Variants in LIMCH1 observed in about 807,000 individuals in gnomAD.
LIMCH1 encodes LIM and calponin homology domains 1.
LIMCH1 carries 113 observed loss-of-function variants against 176.5 expected under a neutral mutation model. That is an observed-to-expected ratio of 0.64 (90% CI 0.55 to 0.75). The LOEUF (loss-of-function observed/expected upper bound fraction) is 0.75. Ranked by LOEUF, LIMCH1 falls within the 30% of genes least tolerant of loss-of-function variation. LIMCH1 has a pLI of 0.00. For missense variants in LIMCH1, 1,674 were observed against 1,814.9 expected, an observed-to-expected ratio of 0.92 and a Z score of 1.41; for synonymous variants, 619 against 645.9, an observed-to-expected ratio of 0.96 and a Z score of 0.63.
intron 1 of LIMCH1, among the ~76,000 whole-genome samples, chr4:41,492,247 A>C (rs1355912836): frequency 6.6e-6 from 1 of 152,196 alleles, no homozygotes; most frequent in Non-Finnish European, 1.5e-5. Flanking sequence ...CCAAAAATAC[A>C]AAAACCAGTC....
chr4:41,458,200 C>T (rs1434399841), intron 1 of LIMCH1, among the ~76,000 whole-genome samples: 1 of 152,120 alleles, frequency 6.6e-6, no homozygotes, highest in Non-Finnish European at 1.5e-5. Flanking sequence ...TAGTATCTCA[C>T]TCGATGAAAG....
chr4:41,415,848 G>T (rs542148582), intron 1 of LIMCH1, among the ~76,000 whole-genome samples: 3 of 151,988 alleles, frequency 2.0e-5, no homozygotes, highest in African/African-American at 7.3e-5. Context: ...ATGGTGGCAC[G>T]CGCCTGTAAT....
At chr4:41,590,687 C>T (rs192950614) in intron 1 of LIMCH1, among the ~76,000 whole-genome samples, 185 of 152,288 alleles carry the variant, frequency 1.2e-3, no homozygotes, top group African/African-American at 4.1e-3. Flanking sequence ...AAGCAGCCAC[C>T]CAGCTGCCAC....
intron 6 of LIMCH1, 52 bp from the exon 7 acceptor site, chr4:41,620,372 G>A: frequency 1.3e-6 from 2 of 1,491,850 alleles, no homozygotes; most frequent in South Asian, 1.3e-5. Flanking sequence ...CATGGGGTCT[G>A]CTCCCCAGCC....
At chr4:41,676,052 C>T (rs1346296550) in intron 22 of LIMCH1, among the ~76,000 whole-genome samples, 1 of 152,198 alleles carries the variant, frequency 6.6e-6, no homozygotes. Context: ...AGAATGAGCA[C>T]CTTAGGTTCA....
At chr4:41,645,079 C>T (rs147859648) in intron 15 of LIMCH1, among the ~76,000 whole-genome samples, 3 of 152,296 alleles carry the variant, frequency 2.0e-5, no homozygotes, top group African/African-American at 7.2e-5. Flanking sequence ...TTATTGTCCT[C>T]GATTCCACAG....
intron 4 of LIMCH1, among the ~76,000 whole-genome samples, chr4:41,611,661 G>A (rs2091431343): frequency 6.6e-6 from 1 of 152,168 alleles, no homozygotes. Context: ...GTAAAATAGG[G>A]ATAATGCTAA....
Position 41,692,262 on chromosome 4 carries a change from C to A in LIMCH1, c.4276-20C>A, listed in dbSNP as rs1276845021. ...CAATTCCTTATGCATCTTATGATGT[C>A]TGTTCTTTTTACCCTATAGTGTGGA... On this transcript the variant is annotated intron_variant, in intron 30 of 31. Coordinates refer to ENST00000503057, the MANE Select transcript of LIMCH1 (RefSeq NM_001330672.2). 7.1e-7 allele frequency: 1 copy of A among 1,413,082 alleles called. No homozygotes were observed. The highest frequency in any genetic ancestry group is 1.2e-5 in the South Asian group (1 of 86,926). The allele number at this position is 1,413,082 out of a possible 1,614,324, so 87.5% of individuals were successfully genotyped here.
At chr4:41,458,115 A>G (rs1268627812) in intron 1 of LIMCH1, among the ~76,000 whole-genome samples, 1 of 152,178 alleles carries the variant, frequency 6.6e-6, no homozygotes, top group Non-Finnish European at 1.5e-5. Flanking sequence ...TATGCATCGT[A>G]TGCTTGTATC....
At chr4:41,428,182 A>T (rs1208350705) in intron 1 of LIMCH1, among the ~76,000 whole-genome samples, 4 of 152,200 alleles carry the variant, frequency 2.6e-5, no homozygotes, top group African/African-American at 9.6e-5. Context: ...AGCTAGAGAC[A>T]GTATGAGGTC....
intron 1 of LIMCH1, among the ~76,000 whole-genome samples, chr4:41,491,839 A>C (rs1363283938): frequency 2.8e-5 from 4 of 143,674 alleles, no homozygotes; most frequent in Non-Finnish European, 6.1e-5. Context: ...CTCACTTCCC[A>C]TTCGGGGCAG....
At position 41,419,587 on chromosome 4, in the gene LIMCH1, CT is replaced by C. The variant is rs1319896020; in HGVS notation, c.96+58653del. ...CCTTCCTTCCTTCCTTCCTTCCTTC[CT>C]TCCTTCCTTCCTTCCGTCCTTCCTT... On this transcript the variant is annotated intron_variant, in intron 1 of 26. Transcript: ENST00000313860. 5.3e-3 allele frequency among the ~76,000 whole-genome samples: 447 copies of C among 83,986 alleles called. 12 individuals are homozygous for C. The highest frequency in any genetic ancestry group is 0.038 in the African/African-American group (413 of 10,944). 55.1% of individuals were successfully genotyped at this position (83,986 alleles called of 152,430 possible).
At chr4:41,410,753 C>T (rs956266394) in intron 1 of LIMCH1, among the ~76,000 whole-genome samples, 1 of 152,258 alleles carries the variant, frequency 6.6e-6, no homozygotes, top group African/African-American at 2.4e-5. Context: ...GTTTCTGCTA[C>T]ATGCTGGTTC....
intron 1 of LIMCH1, among the ~76,000 whole-genome samples, chr4:41,440,780 G>C (rs1455298723): frequency 5.3e-5 from 8 of 152,128 alleles, no homozygotes; most frequent in Admixed American, 5.2e-4. Context: ...TGATCCACCT[G>C]CCTCTGCCTC....
At chr4:41,696,285 T>A (rs1730578165) in intron 31 of LIMCH1, among the ~76,000 whole-genome samples, 1 of 152,196 alleles carries the variant, frequency 6.6e-6, no homozygotes, top group African/African-American at 2.4e-5. Flanking sequence ...TGCTTGGGTG[T>A]TGGATGACTG....
At chr4:41,639,651 A>T (rs1342841139) in intron 14 of LIMCH1, among the ~76,000 whole-genome samples, 1 of 152,226 alleles carries the variant, frequency 6.6e-6, no homozygotes, top group African/African-American at 2.4e-5. Context: ...TGACCACATT[A>T]ACTCTGCTTC....
chr4:41,588,919 C>T (rs7696712), intron 1 of LIMCH1, among the ~76,000 whole-genome samples: 53,082 of 152,132 alleles, frequency 0.35, 14,822 homozygotes, highest in African/African-American at 0.78. Context: ...TATAGACAGA[C>T]GGCTGATCCT....
intron 13 of LIMCH1, among the ~76,000 whole-genome samples, chr4:41,635,236 CT>C (rs72130305): frequency 2.8e-3 from 399 of 143,152 alleles, no homozygotes; most frequent in Admixed American, 3.6e-3. Context: ...TTCTCTGTCA[CT>C]TTTTTTTTTT....
chr4:41,695,622 G>A lies in LIMCH1; in HGVS notation c.4379-1538G>A, dbSNP rs114295492. On this transcript the variant is annotated intron_variant, in intron 31 of 31. Coordinates refer to ENST00000503057, the MANE Select transcript of LIMCH1 (RefSeq NM_001330672.2). ...GCTTCATAATATGTTTTAATATTGG[G>A]TAATAAGGGTCACCTTCTTTCCAAT... is the stretch of plus-strand genomic sequence containing the variant. 3.6e-3 allele frequency among the ~76,000 whole-genome samples: 554 copies of A among 151,994 alleles called. 1 individual carries two copies. Among genetic ancestry groups the A allele is most frequent in the Middle Eastern group, 0.017 (5 of 294 alleles).
Sources: gnomAD v4.1 joint callset for allele counts (sites outside exome capture counted in the v4.1 genomes callset) on GRCh38, gnomAD v4.1.1 for gene constraint, MANE v1.5 for transcripts, NCBI Gene and HGNC (gene_info 2026-07-23, HGNC 2026-07-21) for gene names.